The following ZNF43 variants were observed in gnomAD, a reference collection of about 807,000 sequenced individuals.
ZNF43 encodes zinc finger protein 39-like 1 (KOX 27).
A neutral mutation model predicts 68.4 loss-of-function variants in ZNF43; 44 were observed. The observed-to-expected ratio is 0.64, with a 90% CI of 0.51 to 0.83. ZNF43 has a LOEUF of 0.83. Among genes scored for constraint, ZNF43 ranks in the 40% least tolerant of loss-of-function variants. The probability of loss-of-function intolerance (pLI) is 0.00; values close to 1 mark genes in which losing one functional copy is unlikely to be tolerated. For synonymous variants in ZNF43, 308 were observed against 307.8 expected (o/e 1.00, Z -0.01); for missense variants, 896 against 933.2 (o/e 0.96, Z 0.52).
Position 21,808,524 on chromosome 19 carries a change from T to C in ZNF43, c.1513A>G (p.Ile505Val), listed in dbSNP as rs776122213. 1 of 1,613,246 alleles carries C rather than the reference T, an allele frequency of 6.2e-7. No homozygotes were observed. The highest frequency in any genetic ancestry group is 2.2e-5 in the East Asian group (1 of 44,806). The change falls in exon 4 of 4, where the codon ATT becomes GTT. Residue 505 changes from isoleucine to valine, a missense_variant. Physicochemically the swap from Ile to Val is conservative, Grantham distance 29. Coordinates refer to ENST00000354959, the MANE Select transcript of ZNF43 (RefSeq NM_003423.4). ...TCACATTTGTAGGGTTTCTTTTCAA[T>C]GTGAATTTTCTTATGTTTAGTAAGG... ...SNLTKHKKIH[I>V]EKKPYKCEEC...
chr19:21,811,904 T>C (rs2037292013), intron 3 of ZNF43: 3 of 388,374 alleles, frequency 7.7e-6, no homozygotes, highest in Non-Finnish European at 9.1e-6. Context: ...AAAAGAAATA[T>C]GGAAAAAAGA....
chr19:21,824,486 G>C (rs991995575), intron 1 of ZNF43, among the ~76,000 whole-genome samples: 4 of 152,036 alleles, frequency 2.6e-5, no homozygotes, highest in African/African-American at 7.3e-5. Context: ...ACTCTCAAAG[G>C]GGTCTTTAAG....
chr19:21,809,253 C>A lies in ZNF43; in HGVS notation c.784G>T (p.Glu262Ter), dbSNP rs760142123. ...GACTTGTTAAAAGCTTTGCCACATT[C>A]TTCACATTTGTAGAGTTTGTATCTA... ...YTRYKLYKCE[E>*]CGKAFNKSSI... is the part of the protein sequence containing the mutation. The change falls in exon 4 of 4, where the codon GAA becomes TAA. Residue 262 changes from glutamate (E) to a stop codon, truncating the protein, a stop_gained. Coordinates refer to ENST00000354959, the MANE Select transcript of ZNF43 (RefSeq NM_003423.4). LOFTEE classifies it high-confidence loss of function. The A allele has an allele frequency of 4.3e-6, 7 of 1,613,360 alleles. No homozygotes were observed. The highest frequency in any genetic ancestry group is 2.2e-5 in the East Asian group (1 of 44,860).
At chr19:21,829,032 C>CAAAAAAAAAAAAAAAAAA (rs551226809) in intron 1 of ZNF43, among the ~76,000 whole-genome samples, 5 of 38,812 alleles carry the variant, frequency 1.3e-4, no homozygotes, top group African/African-American at 2.6e-4. Flanking sequence ...GACTCTGTCT[C>CAAAAAAAAAAAAAAAAAA]AAAAAAAAAA....
intron 1 of ZNF43, among the ~76,000 whole-genome samples, chr19:21,834,887 C>T (rs1162558367): frequency 6.7e-6 from 1 of 148,946 alleles, no homozygotes; most frequent in Non-Finnish European, 1.5e-5. Context: ...CAAAAATATA[C>T]AGATATCTAA....
chr19:21,829,218 C>A (rs1226451853), intron 1 of ZNF43, among the ~76,000 whole-genome samples: 1 of 150,644 alleles, frequency 6.6e-6, no homozygotes, highest in Non-Finnish European at 1.5e-5. Context: ...AGTGAGACTC[C>A]ATCACAAAGG....
At chr19:21,842,409 A>C (rs868672078) in intron 1 of ZNF43, among the ~76,000 whole-genome samples, 5,723 of 68,216 alleles carry the variant, frequency 0.084, 163 homozygotes, top group Middle Eastern at 0.11. Flanking sequence ...CTCCATCTCA[A>C]AAAAAAAAAA....
upstream of ZNF43, chr19:21,839,462 G>A (rs1283768978): frequency 6.6e-6 from 1 of 151,076 alleles, no homozygotes; most frequent in Non-Finnish European, 1.5e-5. Flanking sequence ...GCTTGACTAA[G>A]CGATATGTTA....
At chr19:21,835,420 C>A (rs2038668866) in intron 1 of ZNF43, among the ~76,000 whole-genome samples, 2 of 141,666 alleles carry the variant, frequency 1.4e-5, no homozygotes, top group Admixed American at 1.4e-4. Flanking sequence ...TGCAATGGCG[C>A]GATCTCGGCT....
Position 21,842,833 on chromosome 19 carries a change from G to A in ZNF43, c.30+9072C>T, listed in dbSNP as rs944617641. On this transcript the variant is annotated intron_variant, in intron 1 of 3. Coordinates refer to the ZNF43 transcript ENST00000357491. ...TGTCATAATGTCCTCTCTGGACAGG[G>A]ACCAGGCAGAAAAATCACATAACCT... 1.8e-4 allele frequency among the ~76,000 whole-genome samples: 27 copies of A among 151,992 alleles called. 1 individual carries two copies. Among genetic ancestry groups the A allele is most frequent in the Admixed American group, 2.0e-4 (3 of 15,266 alleles).
At chr19:21,811,216 C>T (rs2037254817) in intron 3 of ZNF43, among the ~76,000 whole-genome samples, 1 of 152,082 alleles carries the variant, frequency 6.6e-6, no homozygotes, top group Admixed American at 6.5e-5. Flanking sequence ...AAATATTCTT[C>T]ACAATTTTAA....
intron 3 of ZNF43, among the ~76,000 whole-genome samples, chr19:21,810,831 AC>A (rs2037239385): frequency 1.3e-5 from 2 of 152,178 alleles, no homozygotes; most frequent in South Asian, 4.1e-4. Context: ...ATGTCTGTAC[AC>A]CCAGCTACTT....
At chr19:21,842,333 C>T (rs1489996576) in intron 1 of ZNF43, among the ~76,000 whole-genome samples, 38 of 149,886 alleles carry the variant, frequency 2.5e-4, no homozygotes, top group East Asian at 2.0e-4. Flanking sequence ...AGCTTGAACC[C>T]GGGAGGCAGA....
upstream of ZNF43, chr19:21,840,191 G>A (rs545276541): frequency 6.6e-6 from 1 of 152,384 alleles, no homozygotes; most frequent in Admixed American, 6.5e-5. Flanking sequence ...CCAGTGATAT[G>A]TCACAATGCC....
upstream of ZNF43, among the ~76,000 whole-genome samples, chr19:21,837,027 A>G (rs1967152531): frequency 1.3e-5 from 2 of 152,262 alleles, no homozygotes; most frequent in Admixed American, 6.5e-5. Context: ...AACTAAATAT[A>G]GGTAATGTTA....
At position 21,807,425 on chromosome 19, in the gene ZNF43, T is replaced by C. The variant is rs2036988970; in HGVS notation, c.*182A>G. On this transcript the variant is annotated 3_prime_UTR_variant, in exon 4 of 4. Transcript: ENST00000354959. ...TCCACATTCTTTGTGTATATACCTT[T>C]TTCCAAGTAAAAATTCTTTCCTGTG... 1 of 564,550 alleles carries C rather than the reference T, an allele frequency of 1.8e-6. No homozygotes were observed. Among genetic ancestry groups the C allele is most frequent in the South Asian group, 3.6e-5 (1 of 28,038 alleles). 35.0% of individuals were successfully genotyped at this position (564,550 alleles called of 1,614,324 possible).
intron 1 of ZNF43, among the ~76,000 whole-genome samples, chr19:21,850,247 G>A (rs1265775469): frequency 2.0e-5 from 3 of 152,204 alleles, no homozygotes; most frequent in Non-Finnish European, 2.9e-5. Context: ...GCAGAGATAT[G>A]TCACAAGGCC....
intron 1 of ZNF43, among the ~76,000 whole-genome samples, chr19:21,844,921 A>AATATATATATATATATATATAT (rs1181354510): frequency 1.2e-4 from 3 of 26,044 alleles, no homozygotes; most frequent in African/African-American, 2.2e-4. Flanking sequence ...AAAAAAAAAA[A>AATATATATATATATATATATAT]ATATATATAT....
upstream of ZNF43, among the ~76,000 whole-genome samples, chr19:21,836,468 T>C (rs2038746704): frequency 6.6e-6 from 1 of 152,270 alleles, no homozygotes; most frequent in Admixed American, 6.5e-5. Context: ...TAATATACTA[T>C]ATGGATACTA....
Sources: gnomAD v4.1 joint callset for allele counts (sites outside exome capture counted in the v4.1 genomes callset) on GRCh38, gnomAD v4.1.1 for gene constraint, MANE v1.5 for transcripts, NCBI Gene and HGNC (gene_info 2026-07-23, HGNC 2026-07-21) for gene names.